Variants in PATJ observed in about 807,000 individuals in gnomAD.
PATJ encodes inaD-like protein.
A neutral mutation model predicts 224.9 loss-of-function variants in PATJ; 190 were observed. The ratio of observed to expected loss-of-function variants is 0.84; its 90% confidence interval spans 0.75 to 0.95. PATJ has a LOEUF of 0.95. Among genes scored for constraint, PATJ ranks in the 40% least tolerant of loss-of-function variants. The probability of loss-of-function intolerance (pLI) is 0.00; values close to 1 mark genes in which losing one functional copy is unlikely to be tolerated. For synonymous variants in PATJ, 769 were observed against 820.3 expected, an observed-to-expected ratio of 0.94 and a Z score of 1.07; for missense variants, 2,121 against 2,270.3, an observed-to-expected ratio of 0.93 and a Z score of 1.34.
intron 39 of PATJ, among the ~76,000 whole-genome samples, chr1:62,126,004 C>T (rs780298169): frequency 1.2e-4 from 19 of 152,184 alleles, no homozygotes; most frequent in Non-Finnish European, 1.2e-4. Flanking sequence ...CTCCTGACCT[C>T]GAGTGTTCCA....
chr1:62,037,654 G>A (rs763615080), intron 29 of PATJ, among the ~76,000 whole-genome samples: 1 of 152,162 alleles, frequency 6.6e-6, no homozygotes, highest in Non-Finnish European at 1.5e-5. Flanking sequence ...ATACTCTGCA[G>A]TGCTGAAAGA....
intron 26 of PATJ, among the ~76,000 whole-genome samples, chr1:61,926,555 G>GT (rs933361179): frequency 1.5e-4 from 22 of 150,956 alleles, no homozygotes; most frequent in Admixed American, 3.3e-4. Flanking sequence ...TCACTTTTAA[G>GT]TTTTTTTTTC....
chr1:61,965,121 C>CAAAAAA lies in PATJ; in HGVS notation c.3671-25012_3671-25007dup, dbSNP rs34267345. On this transcript the variant is annotated intron_variant, in intron 27 of 43. Transcript: ENST00000642238. ...TGGGCCACTGAAGGAGACTCTGTCTCAAAAAAAAAAAAAAAAAAAAAAAAA... is the reference window on the plus strand; with the variant it reads ...TGGGCCACTGAAGGAGACTCTGTCTCAAAAAAAAAAAAAAAAAAAAAAAAAAAAAAA... 6.1e-3 allele frequency among the ~76,000 whole-genome samples: 330 copies of CAAAAAA among 54,358 alleles called. 78 individuals carry two copies. The highest frequency in any genetic ancestry group is 0.017 in the East Asian group (8 of 476). 35.7% of individuals were successfully genotyped at this position (54,358 alleles called of 152,430 possible).
intron 35 of PATJ, 111 bp downstream of exon 35, chr1:62,114,357 T>G: frequency 1.0e-6 from 1 of 988,856 alleles, no homozygotes; most frequent in Non-Finnish European, 1.5e-6. Flanking sequence ...TTTCTAAAAA[T>G]AAGATATTTA....
chr1:61,980,833 CTT>C (rs1272723951), intron 27 of PATJ, among the ~76,000 whole-genome samples: 5 of 152,164 alleles, frequency 3.3e-5, no homozygotes, highest in African/African-American at 4.8e-5. Context: ...CCATTTCTCT[CTT>C]AAGTTTTGAA....
At chr1:61,801,260 A>G (rs894395951) in intron 11 of PATJ, among the ~76,000 whole-genome samples, 2 of 152,246 alleles carry the variant, frequency 1.3e-5, no homozygotes, top group Admixed American at 1.3e-4. Flanking sequence ...TGACTTTTTA[A>G]TGATTGCCAT....
chr1:62,048,179 G>A (rs979899838), intron 30 of PATJ, among the ~76,000 whole-genome samples: 10 of 152,190 alleles, frequency 6.6e-5, no homozygotes, highest in Admixed American at 2.0e-4. Context: ...GACTATATGA[G>A]ATAGTGCAAG....
intron 27 of PATJ, among the ~76,000 whole-genome samples, chr1:61,945,424 C>T (rs1234632018): frequency 5.9e-5 from 9 of 151,522 alleles, no homozygotes; most frequent in South Asian, 2.1e-4. Flanking sequence ...GCAGGGGTTG[C>T]AATCCTAGTC....
intron 21 of PATJ, among the ~76,000 whole-genome samples, chr1:61,881,237 T>C (rs1668047811): frequency 6.6e-6 from 1 of 152,080 alleles, no homozygotes; most frequent in South Asian, 2.1e-4. Context: ...AACAGCTCAG[T>C]GCAGAGTGAA....
At position 62,121,827 on chromosome 1, in the gene PATJ, C is replaced by T. The variant is rs1570691207; in HGVS notation, c.5005+532C>T. 2.7e-5 allele frequency among the ~76,000 whole-genome samples: 4 copies of T among 150,772 alleles called. 1 individual carries two copies. Among genetic ancestry groups the T allele is most frequent in the Admixed American group, 2.6e-4 (4 of 15,140 alleles). On this transcript the variant is annotated intron_variant, in intron 38 of 43. Coordinates refer to ENST00000642238, the MANE Select transcript of PATJ (RefSeq NM_001350145.3). ...GGCACAACACAAAGCACCTGAAAAA[C>T]AGAAAAGCAGAAAGCTGGAGTGCAT...
intron 30 of PATJ, among the ~76,000 whole-genome samples, chr1:62,043,116 G>A (rs763769153): frequency 6.6e-6 from 1 of 152,146 alleles, no homozygotes; most frequent in Non-Finnish European, 1.5e-5. Flanking sequence ...TTACCTGTGG[G>A]CATACAACCT....
At chr1:61,802,714 C>T (rs780963696) in intron 12 of PATJ, among the ~76,000 whole-genome samples, 16 of 151,894 alleles carry the variant, frequency 1.1e-4, no homozygotes, top group Non-Finnish European at 2.1e-4. Context: ...ATTGAATTGC[C>T]AAGCTGTTAT....
chr1:62,079,431 A>C lies in PATJ; in HGVS notation c.4126-19A>C, dbSNP rs532196569. On this transcript the variant is annotated intron_variant, in intron 31 of 43. Coordinates refer to ENST00000642238, the MANE Select transcript of PATJ (RefSeq NM_001350145.3). ...CTTTCTCCTTTTTGATATTCATCTA[A>C]TTTTCCTTTCTTTTGTAGGCTGTCA... 2.1e-6 allele frequency: 3 copies of C among 1,449,202 alleles called. No individual in the cohort carries two copies. Among genetic ancestry groups the C allele is most frequent in the South Asian group, 2.3e-5 (2 of 86,628 alleles). 89.8% of individuals were successfully genotyped at this position (1,449,202 alleles called of 1,614,324 possible).
At position 62,073,632 on chromosome 1, in the gene PATJ, TTAAA is replaced by T. The variant is rs539478618; in HGVS notation, c.4126-5794_4126-5791del. Among the ~76,000 whole-genome samples, 1,227 of 151,686 alleles carry T rather than the reference TTAAA, an allele frequency of 8.1e-3. 16 individuals are homozygous for T. The highest frequency in any genetic ancestry group is 0.028 in the African/African-American group (1,146 of 41,234). ...TGGGTGACAGAGTGAGACGCTGTCT[TTAAA>T]TAAATAAATAAATAAATAAATAATA... is the stretch of plus-strand genomic sequence containing the variant. On this transcript the variant is annotated intron_variant, in intron 31 of 43. Coordinates refer to ENST00000642238, the MANE Select transcript of PATJ (RefSeq NM_001350145.3).
intron 27 of PATJ, among the ~76,000 whole-genome samples, chr1:61,949,705 G>A (rs963991963): frequency 2.0e-5 from 3 of 151,834 alleles, no homozygotes; most frequent in African/African-American, 7.3e-5. Context: ...TTAAGAGTTC[G>A]AGACCAGCCC....
chr1:61,764,164 T>C (rs1646133475), intron 3 of PATJ, among the ~76,000 whole-genome samples: 1 of 152,180 alleles, frequency 6.6e-6, no homozygotes, highest in Non-Finnish European at 1.5e-5. Flanking sequence ...GGCCGAAGTC[T>C]TTTATCTAAC....
chr1:62,058,610 C>T (rs1654919038), intron 31 of PATJ, among the ~76,000 whole-genome samples: 3 of 152,110 alleles, frequency 2.0e-5, no homozygotes, highest in Non-Finnish European at 2.9e-5. Context: ...TTATAAGGAT[C>T]AAGTATGATT....
At chr1:61,916,398 A>T in intron 26 of PATJ, among the ~76,000 whole-genome samples, 1 of 152,236 alleles carries the variant, frequency 6.6e-6, no homozygotes, top group South Asian at 2.1e-4. Flanking sequence ...TATACATATA[A>T]TAAATAATAA....
chr1:61,803,105 T>C (rs1398346314), intron 12 of PATJ, among the ~76,000 whole-genome samples: 8 of 152,210 alleles, frequency 5.3e-5, no homozygotes, highest in Non-Finnish European at 1.0e-4. Flanking sequence ...AAATTAGATA[T>C]AGTTTTAGAA....
Sources: allele counts gnomAD v4.1 joint callset (sites outside exome capture counted in the v4.1 genomes callset), GRCh38; gene constraint gnomAD v4.1.1; transcripts MANE v1.5; gene names NCBI Gene and HGNC (gene_info 2026-07-23, HGNC 2026-07-21).